ALKBH5: variants seen among roughly 807,000 people sequenced by gnomAD.
The protein encoded by ALKBH5 is alkB homolog 5, RNA demethylase.
Under a neutral mutation model 32.1 loss-of-function variants are expected in ALKBH5, and 2 were observed. The observed-to-expected ratio is 0.06, with a 90% confidence interval of 0.03 to 0.20. The LOEUF (loss-of-function observed/expected upper bound fraction) is 0.20, where lower values mean the gene tolerates loss of function less well. ALKBH5 is among the 10% of genes least tolerant of loss of function. The probability of loss-of-function intolerance (pLI) is 1.00; values close to 1 mark genes in which losing one functional copy is unlikely to be tolerated. For missense variants in ALKBH5, 352 were observed against 559.5 expected, an observed-to-expected ratio of 0.63 and a Z score of 3.74; for synonymous variants, 300 against 231.7, an observed-to-expected ratio of 1.29 and a Z score of -2.68.
rs1246631372 is a variant in ALKBH5 at position 18,189,383 on chromosome 17, C to A, written c.770+4370C>A. Among the ~76,000 whole-genome samples the A allele has an allele frequency of 2.0e-5, 3 of 152,154 alleles. No individual in the cohort carries two copies. In the East Asian group the frequency reaches 5.8e-4, roughly 29 times the overall value. ...GCAGCCTGGGCGACAGAGCAAGACTCCGTCTCAAAAAAAAGAAAAAGAAAA... is the reference window on the plus strand; with the variant it reads ...GCAGCCTGGGCGACAGAGCAAGACTACGTCTCAAAAAAAAGAAAAAGAAAA... On this transcript the variant is annotated intron_variant, in intron 1 of 3. Transcript: ENST00000399138.
rs961485390 is a variant in ALKBH5, at chr17:18,184,047, C to G, written c.-197C>G. On this transcript the variant is annotated 5_prime_UTR_variant, in exon 1 of 4. Coordinates refer to ENST00000399138, the MANE Select transcript of ALKBH5 (RefSeq NM_017758.4). ...GAGGAAGAAGCCCCGTTGTCGCCAC[C>G]GTTGCATGACCCGCCGCTCCTGAGG... is the stretch of plus-strand genomic sequence containing the variant. 1 of 677,254 alleles carries G rather than the reference C, an allele frequency of 1.5e-6. No homozygotes were observed. The highest frequency in any genetic ancestry group is 2.9e-5 in the East Asian group (1 of 33,998). The allele number at this position is 677,254 out of a possible 1,614,324, so 42.0% of individuals were successfully genotyped here.
chr17:18,192,288 C>T (rs900156511), intron 1 of ALKBH5, among the ~76,000 whole-genome samples: 1 of 152,186 alleles, frequency 6.6e-6, no homozygotes, highest in African/African-American at 2.4e-5. Context: ...ACTTAATTCT[C>T]GCAATACCCC....
At chr17:18,201,892 A>G (rs1490105455) in intron 2 of ALKBH5, among the ~76,000 whole-genome samples, 3 of 152,126 alleles carry the variant, frequency 2.0e-5, no homozygotes, top group Non-Finnish European at 2.9e-5. Context: ...GCATATACCT[A>G]TAGTCCGAGC....
At chr17:18,197,464 A>G (rs1036019219) in intron 2 of ALKBH5, among the ~76,000 whole-genome samples, 3 of 152,184 alleles carry the variant, frequency 2.0e-5, no homozygotes, top group African/African-American at 7.2e-5. Flanking sequence ...GAACCTGGAG[A>G]GGAACTTCTA....
In ALKBH5 at chr17:18,198,370, T is replaced by G. The variant is rs145662074; in HGVS notation, c.851+3335T>G. Among the ~76,000 whole-genome samples the G allele has an allele frequency of 2.5e-3, 378 of 152,266 alleles. 1 individual carries two copies. Among genetic ancestry groups the G allele is most frequent in the Non-Finnish European group, 2.1e-3 (143 of 68,022 alleles). On this transcript the variant is annotated intron_variant, in intron 2 of 3. Coordinates refer to ENST00000399138, the MANE Select transcript of ALKBH5 (RefSeq NM_017758.4). ...GGCATCAACTAGTGTGGAGAACAAT[T>G]CAGGCCGGTGAGGAGCAGCTCCAGA... is the stretch of plus-strand genomic sequence containing the variant.
chr17:18,193,075 T>A (rs994183271), intron 1 of ALKBH5, among the ~76,000 whole-genome samples: 3 of 151,786 alleles, frequency 2.0e-5, no homozygotes, highest in Admixed American at 1.3e-4. Flanking sequence ...CCAGACTGGT[T>A]ACGAACTCCT....
At chr17:18,201,832 GATA>G (rs1479999053) in intron 2 of ALKBH5, among the ~76,000 whole-genome samples, 1 of 120,636 alleles carries the variant, frequency 8.3e-6, no homozygotes, top group Non-Finnish European at 1.9e-5. Context: ...TAGATAGATA[GATA>G]GATGATAGAT....
chr17:18,205,756 C>T (rs1301463384), intron 2 of ALKBH5, among the ~76,000 whole-genome samples: 1 of 152,170 alleles, frequency 6.6e-6, no homozygotes, highest in Non-Finnish European at 1.5e-5. Flanking sequence ...AGCAGCCTAG[C>T]CCAAGGCAGT....
chr17:18,199,241 G>T (rs953266468), intron 2 of ALKBH5, among the ~76,000 whole-genome samples: 1 of 152,160 alleles, frequency 6.6e-6, no homozygotes, highest in Non-Finnish European at 1.5e-5. Flanking sequence ...TCTCCCAGCC[G>T]ACCGAGGGCA....
At chr17:18,196,130 C>G (rs1413069101) in intron 2 of ALKBH5, among the ~76,000 whole-genome samples, 2 of 151,920 alleles carry the variant, frequency 1.3e-5, no homozygotes. Context: ...CAAGATCATC[C>G]TACGTTACAT....
intron 2 of ALKBH5, among the ~76,000 whole-genome samples, chr17:18,205,642 T>A (rs2047265498): frequency 6.6e-6 from 1 of 152,190 alleles, no homozygotes; most frequent in Admixed American, 6.5e-5. Context: ...GCCTTTCTGA[T>A]CCTTCCCATC....
intron 2 of ALKBH5, among the ~76,000 whole-genome samples, chr17:18,200,072 G>A (rs559342917): frequency 6.6e-6 from 1 of 150,772 alleles, no homozygotes; most frequent in Admixed American, 6.6e-5. Context: ...ACTCCAGCCT[G>A]GGAGACAGAG....
intron 1 of ALKBH5, among the ~76,000 whole-genome samples, chr17:18,190,780 A>G (rs1398425893): frequency 6.6e-6 from 1 of 152,166 alleles, no homozygotes; most frequent in Admixed American, 6.5e-5. Context: ...GCCAGATGGA[A>G]TAGCAAAGAG....
rs2047288085 is a variant in ALKBH5, at chr17:18,208,977, C to T, written c.*581C>T. On this transcript the variant is annotated 3_prime_UTR_variant, in exon 4 of 4. Coordinates refer to ENST00000399138, the MANE Select transcript of ALKBH5 (RefSeq NM_017758.4). ...GTTGTTCAGGTTGCCTGGGCAGGGG[C>T]TTAAACAGTGCCAGCCCCTGCCATC... is the stretch of plus-strand genomic sequence containing the variant. 1 of 195,952 alleles carries T rather than the reference C, an allele frequency of 5.1e-6. No individual in the cohort carries two copies. 12.1% of individuals were successfully genotyped at this position (195,952 alleles called of 1,614,324 possible). A position where few individuals can be genotyped will look rare whatever the true frequency, so the allele number is the denominator to read the frequency against.
intron 1 of ALKBH5, among the ~76,000 whole-genome samples, chr17:18,188,926 G>C (rs923232217): frequency 6.6e-5 from 10 of 152,050 alleles, no homozygotes; most frequent in Admixed American, 2.0e-4. Flanking sequence ...AACTAGCCGG[G>C]CATGGTAGTG....
intron 2 of ALKBH5, among the ~76,000 whole-genome samples, chr17:18,202,090 G>A (rs1170277615): frequency 1.3e-5 from 2 of 152,012 alleles, no homozygotes; most frequent in African/African-American, 4.8e-5. Flanking sequence ...GGCGGATCGT[G>A]AGGTCAGGAG....
chr17:18,185,100 T>A, intron 1 of ALKBH5, 87 bp downstream of exon 1: 1 of 1,525,954 alleles, frequency 6.6e-7, no homozygotes, highest in Non-Finnish European at 8.7e-7. Flanking sequence ...CGTAGGAGTC[T>A]GCGTTTTTTA....
chr17:18,207,222 T>G (rs559648183), intron 3 of ALKBH5, among the ~76,000 whole-genome samples: 1 of 152,228 alleles, frequency 6.6e-6, no homozygotes, highest in Non-Finnish European at 1.5e-5. Context: ...CCCATGACTT[T>G]CCTTGTTCAG....
At chr17:18,191,365 T>C (rs1307311735) in intron 1 of ALKBH5, among the ~76,000 whole-genome samples, 1 of 152,096 alleles carries the variant, frequency 6.6e-6, no homozygotes, top group Non-Finnish European at 1.5e-5. Context: ...GCCAAAGTCA[T>C]TTTTGTGGGC....
Sources: gnomAD v4.1 joint callset for allele counts (sites outside exome capture counted in the v4.1 genomes callset) on GRCh38, gnomAD v4.1.1 for gene constraint, MANE v1.5 for transcripts, NCBI Gene and HGNC (gene_info 2026-07-23, HGNC 2026-07-21) for gene names.